Variants in GNAT1 observed in about 807,000 individuals in gnomAD.
The protein encoded by GNAT1 is G protein subunit alpha transducin 1.
GNAT1 carries 36 observed loss-of-function variants against 40.0 expected under a neutral mutation model. That is an observed-to-expected ratio of 0.90 (90% confidence interval 0.69 to 1.19). The LOEUF is 1.19. Ranked by LOEUF, GNAT1 falls within the 50% of genes most tolerant of loss-of-function variation. GNAT1 has a pLI of 0.00. For missense variants in GNAT1, 413 were observed against 480.6 expected (o/e 0.86, Z 1.32); for synonymous variants, 195 against 192.9 (o/e 1.01, Z -0.09).
intron 8 of GNAT1, 55 bp downstream of exon 8, chr3:50,195,011 C>T: frequency 1.6e-6 from 2 of 1,278,064 alleles, no homozygotes; most frequent in Middle Eastern, 2.2e-4. Context: ...CCGTCCAGCT[C>T]CCCACCCCAC....
At chr3:50,195,211 T>G in intron 8 of GNAT1, 57 bp from the exon 9 acceptor site, 1 of 539,792 alleles carries the variant, frequency 1.9e-6, no homozygotes. Context: ...CCACACACAA[T>G]GCCTAAACCC....
In GNAT1 at chr3:50,194,012, G is replaced by C; in HGVS notation, c.579-80G>C. 6.2e-7 allele frequency: 1 copy of C among 1,608,398 alleles called. No individual in the cohort carries two copies. Among genetic ancestry groups the C allele is most frequent in the South Asian group, 1.1e-5 (1 of 90,960 alleles). On this transcript the variant is annotated intron_variant, in intron 5 of 8. Coordinates refer to ENST00000232461, the MANE Select transcript of GNAT1 (RefSeq NM_144499.3). The surrounding 1 kb of genome is among the most constrained non-coding windows in gnomAD (Gnocchi z 6.1). Reference sequence around the variant, plus strand: ...CAGAAAGGGTGGTAGTCCCGGCCGAGAGCTCCCCGACCAGCACAGGGCGAA... The same window carrying C: ...CAGAAAGGGTGGTAGTCCCGGCCGACAGCTCCCCGACCAGCACAGGGCGAA...
At position 50,193,704 on chromosome 3, in the gene GNAT1, A is replaced by G; in HGVS notation, c.449+41A>G. The G allele has an allele frequency of 1.9e-6, 3 of 1,600,754 alleles. No individual in the cohort carries two copies. Among genetic ancestry groups the G allele is most frequent in the Non-Finnish European group, 2.6e-6 (3 of 1,174,314 alleles). On this transcript the variant is annotated intron_variant, in intron 4 of 8. Coordinates refer to ENST00000232461, the MANE Select transcript of GNAT1 (RefSeq NM_144499.3). This position sits in a 1 kb window ranked among gnomAD's most constrained non-coding sequence, Gnocchi z 8.1. ...GCGCGGGGCGCGGGGCGCGGGGCGCAGGGGGCCCTCCACGCCTCCCCACCC... is the reference window on the plus strand; with the variant it reads ...GCGCGGGGCGCGGGGCGCGGGGCGCGGGGGGCCCTCCACGCCTCCCCACCC...
Position 50,193,761 on chromosome 3 carries a change from C to T in GNAT1, c.458C>T (p.Ser153Phe). 6.2e-7 allele frequency: 1 copy of T among 1,611,254 alleles called. No individual in the cohort carries two copies. The highest frequency in any genetic ancestry group is 1.7e-4 in the Middle Eastern group (1 of 6,038). Residue 153 changes from serine to phenylalanine, a missense_variant, in exon 5 of 9, where the codon TCC (serine) becomes TTC (phenylalanine). By Grantham distance (155) the Ser-to-Phe change is radical. Transcript: ENST00000232461. The surrounding 1 kb of genome is among the most constrained non-coding windows in gnomAD (Gnocchi z 8.1). ...GGCCGGGTCTCGCGCAGCTACCTCT[C>T]CGACCTGGAGCGCCTGGTAACCCCG... ...QLNDSAGYYL[S>F]DLERLVTPGY...
rs1299904551 is a variant in GNAT1, at chr3:50,194,259, G to A, written c.708+38G>A. 1.0e-5 allele frequency: 16 copies of A among 1,575,882 alleles called. No homozygotes were observed. The highest frequency in any genetic ancestry group is 1.7e-4 in the Middle Eastern group (1 of 6,014). On this transcript the variant is annotated intron_variant, in intron 6 of 8. Coordinates refer to ENST00000232461, the MANE Select transcript of GNAT1 (RefSeq NM_144499.3). The surrounding 1 kb of genome is among the most constrained non-coding windows in gnomAD (Gnocchi z 6.1). The stretch of plus-strand genomic sequence containing the variant: ...CAGGGCCTGTGTTCCAGGGGGGCGA[G>A]GAGGAGCTGCTGGTCCCTGGAGGCG...
chr3:50,193,766 C>T lies in GNAT1; in HGVS notation c.463C>T (p.Leu155=), dbSNP rs1211321547. 22 of 1,611,970 alleles carry T rather than the reference C, an allele frequency of 1.4e-5. No individual in the cohort carries two copies. The highest frequency in any genetic ancestry group is 1.9e-5 in the Non-Finnish European group (22 of 1,179,578). ...GGTCTCGCGCAGCTACCTCTCCGACCTGGAGCGCCTGGTAACCCCGGGCTA... is the reference window on the plus strand; with the variant it reads ...GGTCTCGCGCAGCTACCTCTCCGACTTGGAGCGCCTGGTAACCCCGGGCTA... ...NDSAGYYLSD[L]ERLVTPGYVP... Residue 155 remains leucine (L), a synonymous_variant, in exon 5 of 9, where the codon CTG becomes TTG. Transcript: ENST00000232461. This position sits in a 1 kb window ranked among gnomAD's most constrained non-coding sequence, Gnocchi z 8.1.
chr3:50,192,944 C>T (rs1699434687), intron 1 of GNAT1, 189 bp from the exon 2 acceptor site: 2 of 637,710 alleles, frequency 3.1e-6, no homozygotes, highest in African/African-American at 1.8e-5. Flanking sequence ...ATTTGCAAAC[C>T]TTGTGACTTC....
At position 50,195,513 on chromosome 3, in the gene GNAT1, A is replaced by ACTCACAGCAGCCAGCTGGG. The variant is rs1439909018; in HGVS notation, c.*262_*263insTGGGCTCACAGCAGCCAGC. The ACTCACAGCAGCCAGCTGGG allele has an allele frequency of 6.0e-6, 1 of 167,310 alleles. No homozygotes were observed. Among genetic ancestry groups the ACTCACAGCAGCCAGCTGGG allele is most frequent in the South Asian group, 1.4e-4 (1 of 6,942 alleles). 10.4% of individuals were successfully genotyped at this position (167,310 alleles called of 1,614,324 possible). ...CCGCCCGGCTGCACTGGCCTCTAGGACTCACAGCAGCCAGCCCCAGCTAGG... is the reference window on the plus strand; with the variant it reads ...CCGCCCGGCTGCACTGGCCTCTAGGACTCACAGCAGCCAGCTGGGCTCACAGCAGCCAGCCCCAGCTAGG... On this transcript the variant is annotated 3_prime_UTR_variant, in exon 9 of 9. Transcript: ENST00000232461.
chr3:50,193,678 AGCGCGGGGCGCGGGGC>A lies in GNAT1; in HGVS notation c.449+19_449+34del, dbSNP rs1699454231. 6.2e-7 allele frequency: 1 copy of A among 1,609,262 alleles called. No individual in the cohort carries two copies. Among genetic ancestry groups the A allele is most frequent in the African/African-American group, 1.3e-5 (1 of 74,798 alleles). On this transcript the variant is annotated intron_variant, in intron 4 of 8. Coordinates refer to ENST00000232461, the MANE Select transcript of GNAT1 (RefSeq NM_144499.3). The surrounding 1 kb of genome is among the most constrained non-coding windows in gnomAD (Gnocchi z 8.1). ...TCGGCGGGCTAGTGAGCGCGCGGGC[AGCGCGGGGCGCGGGGC>A]GCGGGGCGCAGGGGGCCCTCCACGC... is the stretch of plus-strand genomic sequence containing the variant.
chr3:50,194,356 G>C lies in GNAT1; in HGVS notation c.708+135G>C, dbSNP rs1021476649. ...CCCGGGCGGCCTGAGGAGGCCCGGAGGCGTTCAGCAGGCCCATCTGGGGCA... is the reference window on the plus strand; with the variant it reads ...CCCGGGCGGCCTGAGGAGGCCCGGACGCGTTCAGCAGGCCCATCTGGGGCA... On this transcript the variant is annotated intron_variant, in intron 6 of 8. Transcript: ENST00000232461. This position sits in a 1 kb window ranked among gnomAD's most constrained non-coding sequence, Gnocchi z 6.1. 7.2e-7 allele frequency: 1 copy of C among 1,394,888 alleles called. No individual in the cohort carries two copies. The allele number at this position is 1,394,888 out of a possible 1,614,324, so 86.4% of individuals were successfully genotyped here. A position where few individuals can be genotyped will look rare whatever the true frequency, so the allele number is the denominator to read the frequency against.
chr3:50,193,422 G>C lies in GNAT1; in HGVS notation c.291+16G>C. 3 of 1,613,732 alleles carry C rather than the reference G, an allele frequency of 1.9e-6. No individual in the cohort carries two copies. The highest frequency in any genetic ancestry group is 2.5e-6 in the Non-Finnish European group (3 of 1,179,972). On this transcript the variant is annotated intron_variant, in intron 3 of 8. Coordinates refer to ENST00000232461, the MANE Select transcript of GNAT1 (RefSeq NM_144499.3). This position sits in a 1 kb window ranked among gnomAD's most constrained non-coding sequence, Gnocchi z 8.1. ...TGCACGCCAGGTGTGCCAGGAGGCG[G>C]GCTGAGCGGGCCTCTGGGGACTCGA...
Position 50,193,697 on chromosome 3 carries a change from G to C in GNAT1, c.449+34G>C. On this transcript the variant is annotated intron_variant, in intron 4 of 8. Transcript: ENST00000232461. This position sits in a 1 kb window ranked among gnomAD's most constrained non-coding sequence, Gnocchi z 8.1. ...GCGGGCAGCGCGGGGCGCGGGGCGC[G>C]GGGCGCAGGGGGCCCTCCACGCCTC... 6.3e-7 allele frequency: 1 copy of C among 1,599,442 alleles called. No individual in the cohort carries two copies. Among genetic ancestry groups the C allele is most frequent in the South Asian group, 1.1e-5 (1 of 90,252 alleles).
In GNAT1 at chr3:50,194,490, G is replaced by A. The variant is rs761677002; in HGVS notation, c.709-11G>A. ...CTACCCCGGGTGCCCAACAGCTGCT[G>A]CCCTCCTCAGAACCGCATGCACGAG... On this transcript the variant is annotated splice_polypyrimidine_tract_variant and intron_variant, in intron 6 of 8. Coordinates refer to ENST00000232461, the MANE Select transcript of GNAT1 (RefSeq NM_144499.3). This position sits in a 1 kb window ranked among gnomAD's most constrained non-coding sequence, Gnocchi z 6.1. 5 of 1,612,810 alleles carry A rather than the reference G, an allele frequency of 3.1e-6. No individual in the cohort carries two copies. Among genetic ancestry groups the A allele is most frequent in the Non-Finnish European group, 4.2e-6 (5 of 1,179,726 alleles).
At position 50,191,683 on chromosome 3, in the gene GNAT1, A is replaced by G; in HGVS notation, c.-43A>G. 4 of 1,448,330 alleles carry G rather than the reference A, an allele frequency of 2.8e-6. No individual in the cohort carries two copies. The highest frequency in any genetic ancestry group is 3.9e-6 in the Non-Finnish European group (4 of 1,028,960). 89.7% of individuals were successfully genotyped at this position (1,448,330 alleles called of 1,614,324 possible). On this transcript the variant is annotated 5_prime_UTR_variant, in exon 1 of 9. Transcript: ENST00000232461. Reference sequence around the variant, plus strand: ...GTTCTGGGGATCCCCTCCATCCAGAAGAACCACCTGCTCACTCTGTCCCTT... The same window carrying G: ...GTTCTGGGGATCCCCTCCATCCAGAGGAACCACCTGCTCACTCTGTCCCTT...
chr3:50,195,079 C>A, intron 8 of GNAT1, 123 bp downstream of exon 8: 1 of 732,962 alleles, frequency 1.4e-6, no homozygotes, highest in Non-Finnish European at 2.4e-6. Flanking sequence ...CAGGCCCCAC[C>A]CCAGCTCCTC....
Position 50,194,912 on chromosome 3 carries a change from A to G in GNAT1, c.1010A>G (p.Asp337Gly). 1 of 1,613,670 alleles carries G rather than the reference A, an allele frequency of 6.2e-7. No individual in the cohort carries two copies. The highest frequency in any genetic ancestry group is 8.5e-7 in the Non-Finnish European group (1 of 1,179,888). ...NVKFVFDAVT[D>G]IIIKENLKDC... is the part of the protein sequence containing the mutation. Reference sequence around the variant, plus strand: ...AAATTTGTCTTCGACGCTGTCACCGACATCATCATCAAGGAGAACCTCAAA... The same window carrying G: ...AAATTTGTCTTCGACGCTGTCACCGGCATCATCATCAAGGAGAACCTCAAA... The change falls in exon 8 of 9, where the codon GAC (aspartate) becomes GGC (glycine). Residue 337 changes from aspartate to glycine, a missense_variant. Asp to Gly is a moderately conservative substitution (Grantham distance 94). Coordinates refer to ENST00000232461, the MANE Select transcript of GNAT1 (RefSeq NM_144499.3). The surrounding 1 kb of genome is among the most constrained non-coding windows in gnomAD (Gnocchi z 6.1).
In GNAT1 at chr3:50,193,823, C is replaced by A. The variant is rs928754225; in HGVS notation, c.520C>A (p.Arg174=). The part of the protein sequence containing the change: ...VPTEQDVLRS[R]VKTTGIIETQ... ...CACCGAGCAGGACGTGCTGCGCTCG[C>A]GAGTCAAGACCACTGGCATCATCGA... Residue 174 remains arginine, a synonymous_variant, in exon 5 of 9, where the codon CGA becomes AGA. Transcript: ENST00000232461. This position sits in a 1 kb window ranked among gnomAD's most constrained non-coding sequence, Gnocchi z 8.1. 2.5e-6 allele frequency: 4 copies of A among 1,612,954 alleles called. No homozygotes were observed. Among genetic ancestry groups the A allele is most frequent in the Non-Finnish European group, 3.4e-6 (4 of 1,179,934 alleles).
At position 50,194,267 on chromosome 3, in the gene GNAT1, T is replaced by C. The variant is rs1239922623; in HGVS notation, c.708+46T>C. On this transcript the variant is annotated intron_variant, in intron 6 of 8. Coordinates refer to ENST00000232461, the MANE Select transcript of GNAT1 (RefSeq NM_144499.3). The surrounding 1 kb of genome is among the most constrained non-coding windows in gnomAD (Gnocchi z 6.1). ...GTGTTCCAGGGGGGCGAGGAGGAGC[T>C]GCTGGTCCCTGGAGGCGGAGACCGC... is the stretch of plus-strand genomic sequence containing the variant. 1 of 1,565,238 alleles carries C rather than the reference T, an allele frequency of 6.4e-7. No homozygotes were observed. Among genetic ancestry groups the C allele is most frequent in the African/African-American group, 1.4e-5 (1 of 73,518 alleles).
rs367790137 is a variant in GNAT1, at chr3:50,194,828, G to C, written c.926G>C (p.Arg309Pro). ...GTGCAGTTCCTCGAGCTCAACATGC[G>C]GCGCGACGTGAAGGAGATCTATTCC... The part of the protein sequence containing the change: ...IKVQFLELNM[R>P]RDVKEIYSHM... Residue 309 changes from arginine (R) to proline (P), a missense_variant, in exon 8 of 9, where the codon CGG becomes CCG. By Grantham distance (103) the Arg-to-Pro change is moderately radical. Coordinates refer to ENST00000232461, the MANE Select transcript of GNAT1 (RefSeq NM_144499.3). This position sits in a 1 kb window ranked among gnomAD's most constrained non-coding sequence, Gnocchi z 6.1. The C allele has an allele frequency of 2.0e-5, 33 of 1,613,776 alleles. No individual in the cohort carries two copies. Among genetic ancestry groups the C allele is most frequent in the Admixed American group, 3.3e-5 (2 of 60,008 alleles).
Sources: gnomAD v4.1 joint callset for allele counts on GRCh38, gnomAD v4.1.1 for gene constraint, Gnocchi (gnomAD v3.1) non-coding constraint, MANE v1.5 for transcripts, NCBI Gene and HGNC (gene_info 2026-07-23, HGNC 2026-07-21) for gene names.